FANK1: variants seen among roughly 807,000 people sequenced by gnomAD.
FANK1 encodes fibronectin type III and ankyrin repeat domains 1, also known as fibronectin type 3 and ankyrin repeat domains protein 1.
Under a neutral mutation model 45.3 loss-of-function variants are expected in FANK1, and 44 were observed. The observed-to-expected ratio is 0.97, with a 90% CI of 0.76 to 1.25. The LOEUF is 1.25. Among genes scored for constraint, FANK1 ranks in the 50% most tolerant of loss-of-function variants. The probability of loss-of-function intolerance (pLI) is 0.00; values close to 1 mark genes in which losing one functional copy is unlikely to be tolerated. For synonymous variants in FANK1, 149 were observed against 152.5 expected (o/e 0.98, Z 0.17); for missense variants, 391 against 424.4 (o/e 0.92, Z 0.69).
chr10:125,948,388 A>G (rs535737470), intron 1 of FANK1, among the ~76,000 whole-genome samples: 1 of 152,244 alleles, frequency 6.6e-6, no homozygotes, highest in East Asian at 1.9e-4. Flanking sequence ...ATAAAGAAAA[A>G]GAGAAGAATC....
At chr10:125,971,562 C>A (rs1221409454) in intron 1 of FANK1, among the ~76,000 whole-genome samples, 4 of 151,984 alleles carry the variant, frequency 2.6e-5, no homozygotes, top group Non-Finnish European at 5.9e-5. Flanking sequence ...CAAGCTAGAC[C>A]TGATTTAAAA....
At chr10:126,005,402 G>T (rs183586427) in intron 7 of FANK1, among the ~76,000 whole-genome samples, 46 of 151,558 alleles carry the variant, frequency 3.0e-4, no homozygotes, top group Non-Finnish European at 4.7e-4. Context: ...CCGCCTCCCA[G>T]GTTCAAGCGA....
chr10:125,996,303 G>A (rs1952322690), intron 4 of FANK1, among the ~76,000 whole-genome samples: 1 of 152,218 alleles, frequency 6.6e-6, no homozygotes, highest in South Asian at 2.1e-4. Context: ...GCCGAAGCAT[G>A]TATATTTTAA....
chr10:125,993,387 A>G (rs529767406), intron 3 of FANK1, among the ~76,000 whole-genome samples: 1 of 152,138 alleles, frequency 6.6e-6, no homozygotes, highest in Non-Finnish European at 1.5e-5. Context: ...TCATCCATCT[A>G]AAGTATAGAT....
chr10:125,918,022 G>T (rs1229391366), intron 1 of FANK1, among the ~76,000 whole-genome samples: 1 of 151,950 alleles, frequency 6.6e-6, no homozygotes. Context: ...CAAGCTTTCA[G>T]TGAATTATGA....
intron 1 of FANK1, chr10:125,972,753 C>A (rs1219709484): frequency 6.6e-6 from 1 of 151,516 alleles, no homozygotes; most frequent in Admixed American, 6.6e-5. Flanking sequence ...CATTTCTGAG[C>A]AACGTGTTGC....
rs186582195 is a variant in FANK1 at position 125,967,035 on chromosome 10, C to G, written c.14-13126C>G. ...TTTCCTTAGTATATCATCTTCCACACTTTTAATGACTAAATATTCTTGTAT... is the reference window on the plus strand; with the variant it reads ...TTTCCTTAGTATATCATCTTCCACAGTTTTAATGACTAAATATTCTTGTAT... On this transcript the variant is annotated intron_variant, in intron 1 of 10. Transcript: ENST00000368693. Among the ~76,000 whole-genome samples the G allele has an allele frequency of 9.8e-5, 15 of 152,324 alleles. No homozygotes were observed. In the East Asian group the frequency reaches 2.5e-3, roughly 25 times the overall value.
At chr10:125,988,746 A>G in intron 3 of FANK1, 71 bp downstream of exon 3, 1 of 1,611,422 alleles carries the variant, frequency 6.2e-7, no homozygotes. Flanking sequence ...TAGAAAAAAT[A>G]TTCTGCCTCT....
intron 1 of FANK1, among the ~76,000 whole-genome samples, chr10:125,946,585 C>T (rs1280921464): frequency 6.6e-6 from 1 of 151,080 alleles, no homozygotes; most frequent in East Asian, 1.9e-4. Context: ...ATGAGCAAAG[C>T]CTCCAAGAAA....
At chr10:125,905,514 T>C (rs1945426360) in intron 1 of FANK1, among the ~76,000 whole-genome samples, 1 of 152,310 alleles carries the variant, frequency 6.6e-6, no homozygotes, top group Admixed American at 6.5e-5. Context: ...GTGTACAACC[T>C]TTCAATTTGT....
intron 1 of FANK1, among the ~76,000 whole-genome samples, chr10:125,955,966 C>A (rs1949546174): frequency 6.6e-6 from 1 of 152,128 alleles, no homozygotes; most frequent in Admixed American, 6.5e-5. Context: ...TTTTGAAAGA[C>A]TTCTAGTCAA....
In FANK1 at chr10:125,944,309, G is replaced by A. The variant is rs528730552; in HGVS notation, c.14-35852G>A. On this transcript the variant is annotated intron_variant, in intron 1 of 10. Coordinates refer to ENST00000368693, the MANE Select transcript of FANK1 (RefSeq NM_145235.5). Reference sequence around the variant, plus strand: ...TGATTAATTCTCCATGAGCTATTTTGGATAAATAAAAGTCATATTTGTCCT... The same window carrying A: ...TGATTAATTCTCCATGAGCTATTTTAGATAAATAAAAGTCATATTTGTCCT... Among the ~76,000 whole-genome samples the A allele has an allele frequency of 2.6e-5, 4 of 152,154 alleles. No homozygotes were observed. In the South Asian group the frequency reaches 6.2e-4, roughly 24 times the overall value.
intron 1 of FANK1, among the ~76,000 whole-genome samples, chr10:125,971,412 A>G (rs1387935740): frequency 1.3e-5 from 2 of 151,830 alleles, no homozygotes; most frequent in Middle Eastern, 3.4e-3. Flanking sequence ...CCTCGGTGCT[A>G]TAATAAGTTG....
intron 1 of FANK1, among the ~76,000 whole-genome samples, chr10:125,946,043 G>A (rs1948774533): frequency 6.6e-6 from 1 of 152,080 alleles, no homozygotes; most frequent in Non-Finnish European, 1.5e-5. Context: ...CTGCAGCTGA[G>A]GGTCCTGTCT....
intron 1 of FANK1, among the ~76,000 whole-genome samples, chr10:125,954,865 G>C (rs1053735127): frequency 2.6e-5 from 4 of 152,034 alleles, no homozygotes; most frequent in African/African-American, 9.7e-5. Flanking sequence ...AGGTTGCAGC[G>C]AGCCAAGATT....
At chr10:125,998,394 T>C (rs976215280) in intron 6 of FANK1, among the ~76,000 whole-genome samples, 1 of 152,164 alleles carries the variant, frequency 6.6e-6, no homozygotes, top group Admixed American at 6.5e-5. Flanking sequence ...ATATCACTTA[T>C]AAATTTAAAA....
At chr10:125,948,795 G>A (rs1315536780) in intron 1 of FANK1, among the ~76,000 whole-genome samples, 2 of 150,424 alleles carry the variant, frequency 1.3e-5, no homozygotes, top group East Asian at 2.0e-4. Context: ...TGATACCAAA[G>A]CCAGGCAGAG....
intron 1 of FANK1, among the ~76,000 whole-genome samples, chr10:125,942,210 A>T (rs1361022705): frequency 6.6e-6 from 1 of 152,252 alleles, no homozygotes; most frequent in African/African-American, 2.4e-5. Context: ...GTGCAAGAGC[A>T]TTGTGAAGAC....
intron 1 of FANK1, among the ~76,000 whole-genome samples, chr10:125,948,400 A>G (rs1442600356): frequency 6.6e-6 from 1 of 152,196 alleles, no homozygotes; most frequent in East Asian, 1.9e-4. Context: ...AGAAGAATCA[A>G]ATAGACACAA....
Sources: allele counts gnomAD v4.1 joint callset (sites outside exome capture counted in the v4.1 genomes callset), GRCh38; gene constraint gnomAD v4.1.1; transcripts MANE v1.5; gene names NCBI Gene and HGNC (gene_info 2026-07-23, HGNC 2026-07-21).